ZRANB3: variants seen among roughly 807,000 people sequenced by gnomAD.
ZRANB3 encodes DNA annealing helicase and endonuclease ZRANB3.
ZRANB3 carries 125 observed loss-of-function variants against 133.8 expected under a neutral mutation model. That is an observed-to-expected ratio of 0.93 (90% confidence interval 0.81 to 1.08). The LOEUF (loss-of-function observed/expected upper bound fraction) is 1.08. Ranked by LOEUF, ZRANB3 falls within the 50% of genes least tolerant of loss-of-function variation. The pLI, the probability that ZRANB3 is intolerant of heterozygous loss-of-function variation, is 0.00. For missense variants in ZRANB3, 1,229 were observed against 1,275.5 expected (o/e 0.96, Z 0.56); for synonymous variants, 387 against 432.7 (o/e 0.89, Z 1.31).
intron 12 of ZRANB3, among the ~76,000 whole-genome samples, chr2:135,255,541 A>C (rs556081466): frequency 6.6e-6 from 1 of 152,126 alleles, no homozygotes; most frequent in Non-Finnish European, 1.5e-5. Context: ...TGCCCAATTC[A>C]TGACTTGCTA....
intron 8 of ZRANB3, among the ~76,000 whole-genome samples, chr2:135,302,687 G>A (rs553092022): frequency 4.0e-5 from 6 of 151,848 alleles, no homozygotes; most frequent in African/African-American, 7.2e-5. Context: ...CACCACGCCC[G>A]GCTAATTTTT....
At chr2:135,357,019 A>G (rs987932806) in intron 3 of ZRANB3, among the ~76,000 whole-genome samples, 2 of 152,052 alleles carry the variant, frequency 1.3e-5, no homozygotes, top group Non-Finnish European at 2.9e-5. Context: ...ATTTTTTACA[A>G]TCTATTACAT....
At chr2:135,326,898 C>CA (rs56683794) in intron 6 of ZRANB3, among the ~76,000 whole-genome samples, 1,537 of 60,958 alleles carry the variant, frequency 0.025, 51 homozygotes, top group East Asian at 0.048. Flanking sequence ...GACTCCATCT[C>CA]AAAAAAAAAA....
chr2:135,214,783 T>TG (rs1010960824), intron 17 of ZRANB3, among the ~76,000 whole-genome samples: 3 of 152,170 alleles, frequency 2.0e-5, no homozygotes, highest in African/African-American at 7.2e-5. Context: ...CACACGCCCA[T>TG]GGGAAAAAAA....
chr2:135,397,102 C>G (rs919644391), intron 2 of ZRANB3, among the ~76,000 whole-genome samples: 5 of 151,776 alleles, frequency 3.3e-5, no homozygotes, highest in African/African-American at 1.2e-4. Flanking sequence ...TGTGCTCCAG[C>G]CTGGGCAACA....
chr2:135,296,443 AC>A (rs1558896210), intron 8 of ZRANB3, among the ~76,000 whole-genome samples: 1 of 151,198 alleles, frequency 6.6e-6, no homozygotes. Flanking sequence ...TCCTTTAAGT[AC>A]TTTTGTGCAT....
intron 2 of ZRANB3, among the ~76,000 whole-genome samples, chr2:135,418,077 T>C (rs1196367425): frequency 2.6e-5 from 4 of 152,004 alleles, no homozygotes; most frequent in East Asian, 1.9e-4. Context: ...AACTTGCACA[T>C]TGTCCACATG....
At chr2:135,330,612 A>C (rs569374420) in intron 6 of ZRANB3, among the ~76,000 whole-genome samples, 103 of 152,306 alleles carry the variant, frequency 6.8e-4, no homozygotes, top group African/African-American at 2.4e-3. Flanking sequence ...TGATTGGAAT[A>C]GTTTCAGAAG....
At chr2:135,305,082 A>G (rs891912758) in intron 8 of ZRANB3, among the ~76,000 whole-genome samples, 16 of 152,118 alleles carry the variant, frequency 1.1e-4, no homozygotes, top group African/African-American at 3.4e-4. Flanking sequence ...GGTTCAAGCA[A>G]TTCTCCTGGC....
In ZRANB3 at chr2:135,385,872, C is replaced by A. The variant is rs191207729; in HGVS notation, c.180+4930G>T. On this transcript the variant is annotated intron_variant, in intron 3 of 20. Coordinates refer to ENST00000264159, the MANE Select transcript of ZRANB3 (RefSeq NM_032143.4). ...ATTAAAGACTTGAATGGTTTTAGACCTAAAACCATAAAAACCCTAGAAGAA... is the reference window on the plus strand; with the variant it reads ...ATTAAAGACTTGAATGGTTTTAGACATAAAACCATAAAAACCCTAGAAGAA... 9.8e-4 allele frequency among the ~76,000 whole-genome samples: 149 copies of A among 152,150 alleles called. 2 individuals carry two copies. Among genetic ancestry groups the A allele is most frequent in the African/African-American group, 3.4e-3 (142 of 41,498 alleles).
intron 3 of ZRANB3, among the ~76,000 whole-genome samples, chr2:135,360,157 T>A (rs1055100022): frequency 6.6e-6 from 1 of 151,862 alleles, no homozygotes; most frequent in African/African-American, 2.4e-5. Context: ...GGCGGGTGGG[T>A]CACCTGAGGT....
intron 2 of ZRANB3, among the ~76,000 whole-genome samples, chr2:135,402,947 C>A (rs1449886211): frequency 6.6e-6 from 1 of 152,092 alleles, no homozygotes; most frequent in Admixed American, 6.6e-5. Context: ...CATTCTTCCA[C>A]TGCTATAAAC....
chr2:135,441,460 T>C (rs1332099803), intron 2 of ZRANB3, among the ~76,000 whole-genome samples: 1 of 152,098 alleles, frequency 6.6e-6, no homozygotes, highest in Non-Finnish European at 1.5e-5. Context: ...GGCAGACCTT[T>C]CCTACAGTAG....
intron 1 of ZRANB3, among the ~76,000 whole-genome samples, chr2:135,525,499 A>T (rs1016875243): frequency 2.0e-5 from 3 of 152,246 alleles, no homozygotes; most frequent in Non-Finnish European, 4.4e-5. Context: ...AGCATTACCT[A>T]TAAAACCTAG....
intron 2 of ZRANB3, among the ~76,000 whole-genome samples, chr2:135,413,595 C>T (rs1010361014): frequency 3.9e-5 from 6 of 152,244 alleles, no homozygotes; most frequent in African/African-American, 1.2e-4. Context: ...CACAAAAACA[C>T]ATGAGACTAG....
intron 11 of ZRANB3, among the ~76,000 whole-genome samples, chr2:135,267,010 C>A (rs567810233): frequency 1.3e-5 from 2 of 152,216 alleles, no homozygotes; most frequent in South Asian, 2.1e-4. Flanking sequence ...AAGCTGTAGC[C>A]CAACCATCTA....
rs191054090 is a variant in ZRANB3 at position 135,332,846 on chromosome 2, C to A, written c.677+12704G>T. ...ATATTTTTTCTGTCTTCACATCTTT[C>A]CTCAGCCCTGTTGATTTCTGAGTTC... On this transcript the variant is annotated intron_variant, in intron 6 of 20. Transcript: ENST00000264159. Among the ~76,000 whole-genome samples the A allele has an allele frequency of 1.8e-4, 27 of 152,274 alleles. 1 individual carries two copies. The East Asian group carries it at 5.2e-3, about 29-fold the overall frequency.
intron 20 of ZRANB3, 61 bp downstream of exon 20, chr2:135,202,771 T>A: frequency 6.5e-7 from 1 of 1,537,186 alleles, no homozygotes; most frequent in Non-Finnish European, 8.8e-7. Flanking sequence ...CACAACTGTG[T>A]GCACAATTTT....
chr2:135,231,052 T>A, intron 12 of ZRANB3, 125 bp from the exon 13 acceptor site: 1 of 757,540 alleles, frequency 1.3e-6, no homozygotes, highest in Non-Finnish European at 1.9e-6. Context: ...CTTTTGGAAA[T>A]GAATTCATTA....
Sources: allele counts gnomAD v4.1 joint callset (sites outside exome capture counted in the v4.1 genomes callset), GRCh38; gene constraint gnomAD v4.1.1; transcripts MANE v1.5; gene names NCBI Gene and HGNC (gene_info 2026-07-23, HGNC 2026-07-21).